Variants in TPD52L1 observed in about 807,000 individuals in gnomAD.
TPD52L1 encodes TPD52 like 1.
A neutral mutation model predicts 28.7 loss-of-function variants in TPD52L1; 18 were observed. That is an observed-to-expected ratio of 0.63 (90% CI 0.43 to 0.93). The LOEUF is 0.93. Ranked by LOEUF, TPD52L1 falls within the 40% of genes least tolerant of loss-of-function variation. The pLI is 0.00. For missense variants in TPD52L1, 203 were observed against 254.8 expected, an observed-to-expected ratio of 0.80 and a Z score of 1.39; for synonymous variants, 75 against 88.8, an observed-to-expected ratio of 0.84 and a Z score of 0.88.
At chr6:125,159,104 G>C (rs933632943) in intron 1 of TPD52L1, among the ~76,000 whole-genome samples, 2 of 152,226 alleles carry the variant, frequency 1.3e-5, no homozygotes, top group Non-Finnish European at 2.9e-5. Flanking sequence ...ATTAAAGTAA[G>C]ACAACGAGGA....
chr6:125,253,909 G>C (rs1482158479), intron 5 of TPD52L1, 154 bp downstream of exon 5: 1 of 821,260 alleles, frequency 1.2e-6, no homozygotes, highest in Middle Eastern at 2.2e-4. Flanking sequence ...TGGAAGAATT[G>C]CGTAGCTTGG....
At chr6:125,154,479 C>A in intron 1 of TPD52L1, 4 of 985,804 alleles carry the variant, frequency 4.1e-6, no homozygotes, top group Non-Finnish European at 3.6e-6. Context: ...CGGGGACCCG[C>A]CTTCCGAGGC....
intron 1 of TPD52L1, among the ~76,000 whole-genome samples, chr6:125,196,877 C>T (rs1383325627): frequency 2.6e-5 from 4 of 152,098 alleles, no homozygotes; most frequent in Non-Finnish European, 5.9e-5. Context: ...CATTGGAATT[C>T]CTCTCCCATA....
rs1798201041 is a variant in TPD52L1 at position 125,264,135 on chromosome 6, C to T, written c.*1173C>T. On this transcript the variant is annotated 3_prime_UTR_variant, in exon 7 of 7. Transcript: ENST00000534000. ...ATTTATCAATCCACTCAGATTTCTG[C>T]ACTAACTTTTATCTTATATATCATA... 1 of 152,238 alleles carries T rather than the reference C, an allele frequency of 6.6e-6. No individual in the cohort carries two copies. The highest frequency in any genetic ancestry group is 1.9e-4 in the East Asian group (1 of 5,174). 9.4% of individuals were successfully genotyped at this position (152,238 alleles called of 1,614,324 possible). A position where few individuals can be genotyped will look rare whatever the true frequency, so the allele number is the denominator to read the frequency against.
At chr6:125,219,937 G>A in intron 1 of TPD52L1, 141 bp from the exon 2 acceptor site, 1 of 713,528 alleles carries the variant, frequency 1.4e-6, no homozygotes, top group Non-Finnish European at 2.6e-6. Flanking sequence ...CATTTAGGAG[G>A]ATTTTTGTCT....
intron 1 of TPD52L1, among the ~76,000 whole-genome samples, chr6:125,196,393 G>A (rs1243440779): frequency 6.6e-5 from 10 of 152,144 alleles, no homozygotes; most frequent in Non-Finnish European, 1.5e-4. Flanking sequence ...TAATGTAAAA[G>A]CTTAACTATA....
At chr6:125,246,981 C>G (rs990513119) in intron 3 of TPD52L1, among the ~76,000 whole-genome samples, 1 of 151,900 alleles carries the variant, frequency 6.6e-6, no homozygotes, top group Non-Finnish European at 1.5e-5. Context: ...ATATTATAGA[C>G]AGATTCCATT....
intron 3 of TPD52L1, among the ~76,000 whole-genome samples, chr6:125,235,157 A>G (rs1247793933): frequency 1.4e-5 from 2 of 143,598 alleles, no homozygotes; most frequent in African/African-American, 5.0e-5. Flanking sequence ...TTTGGCTGAT[A>G]GGAGGGGTTT....
chr6:125,179,264 T>G (rs1431318333), intron 1 of TPD52L1, among the ~76,000 whole-genome samples: 1 of 152,222 alleles, frequency 6.6e-6, no homozygotes, highest in Non-Finnish European at 1.5e-5. Flanking sequence ...TCTGTTTTGT[T>G]TCTCATTTAT....
intron 3 of TPD52L1, 150 bp from the exon 4 acceptor site, chr6:125,248,132 C>T (rs1211407745): frequency 1.5e-6 from 1 of 654,790 alleles, no homozygotes; most frequent in African/African-American, 1.8e-5. Context: ...ACCCATCATC[C>T]CCAGACAATG....
chr6:125,171,871 T>C (rs1319203837), intron 1 of TPD52L1, among the ~76,000 whole-genome samples: 1 of 152,188 alleles, frequency 6.6e-6, no homozygotes, highest in South Asian at 2.1e-4. Context: ...TCATTTGTTA[T>C]GCTGCATTTG....
At chr6:125,165,538 T>C (rs146669032) in intron 1 of TPD52L1, among the ~76,000 whole-genome samples, 1 of 152,268 alleles carries the variant, frequency 6.6e-6, no homozygotes, top group East Asian at 1.9e-4. Context: ...AAGGCAAAAA[T>C]CTAGCACTTT....
intron 4 of TPD52L1, chr6:125,252,285 C>G (rs965207486): frequency 4.5e-6 from 2 of 439,774 alleles, no homozygotes; most frequent in African/African-American, 4.0e-5. Flanking sequence ...TCAGGAGTCT[C>G]TTTCTCTGCA....
intron 1 of TPD52L1, among the ~76,000 whole-genome samples, chr6:125,197,739 T>A (rs1243218176): frequency 2.0e-5 from 3 of 152,068 alleles, no homozygotes; most frequent in Non-Finnish European, 4.4e-5. Context: ...GGTTGCCCCA[T>A]CCAATTTTCA....
At chr6:125,196,408 T>C (rs1793442741) in intron 1 of TPD52L1, among the ~76,000 whole-genome samples, 1 of 152,248 alleles carries the variant, frequency 6.6e-6, no homozygotes, top group African/African-American at 2.4e-5. Context: ...ACTATAGTTG[T>C]AATGTATAAA....
chr6:125,191,289 T>C (rs1278293101), intron 1 of TPD52L1, among the ~76,000 whole-genome samples: 1 of 152,238 alleles, frequency 6.6e-6, no homozygotes, highest in Admixed American at 6.5e-5. Context: ...AATTGTCCTT[T>C]GGCATTTGCA....
intron 1 of TPD52L1, among the ~76,000 whole-genome samples, chr6:125,205,425 A>C (rs969141632): frequency 1.3e-5 from 2 of 152,082 alleles, no homozygotes; most frequent in African/African-American, 4.8e-5. Flanking sequence ...CATCACTCCA[A>C]ATTTCCACAG....
At chr6:125,216,029 A>G (rs1397694743) in intron 1 of TPD52L1, among the ~76,000 whole-genome samples, 1 of 152,016 alleles carries the variant, frequency 6.6e-6, no homozygotes, top group Non-Finnish European at 1.5e-5. Flanking sequence ...GCTGACCCCC[A>G]CTGCAGGGGT....
intron 3 of TPD52L1, among the ~76,000 whole-genome samples, chr6:125,240,988 G>T (rs1796579828): frequency 6.6e-6 from 1 of 151,946 alleles, no homozygotes; most frequent in African/African-American, 2.4e-5. Context: ...TTATTATCTT[G>T]AAATATGTCC....
Sources: gnomAD v4.1 joint callset for allele counts (sites outside exome capture counted in the v4.1 genomes callset) on GRCh38, gnomAD v4.1.1 for gene constraint, MANE v1.5 for transcripts, NCBI Gene and HGNC (gene_info 2026-07-23, HGNC 2026-07-21) for gene names.